The following RBFOX1 variants were observed in gnomAD, a reference collection of about 807,000 sequenced individuals.
RBFOX1 encodes the protein RNA binding protein fox-1 homolog 1.
RBFOX1 carries 8 observed loss-of-function variants against 57.7 expected under a neutral mutation model. The ratio of observed to expected loss-of-function variants is 0.14; its 90% CI spans 0.08 to 0.25. RBFOX1 has a LOEUF of 0.25. Ranked by LOEUF, RBFOX1 falls within the 10% of genes least tolerant of loss-of-function variation. The probability of loss-of-function intolerance (pLI) is 1.00; values close to 1 mark genes in which losing one functional copy is unlikely to be tolerated. For synonymous variants in RBFOX1, 326 were observed against 222.4 expected (o/e 1.47, Z -4.15); for missense variants, 611 against 548.5 (o/e 1.11, Z -1.14).
intron 1 of RBFOX1, among the ~76,000 whole-genome samples, chr16:6,065,002 A>G (rs761319520): frequency 5.3e-5 from 8 of 150,790 alleles, no homozygotes; most frequent in Admixed American, 4.0e-4. Context: ...CTGTTTTTCT[A>G]TATATTTCTT....
intron 2 of RBFOX1, among the ~76,000 whole-genome samples, chr16:5,548,174 A>AATATATATATATATATATATAT (rs71142629): frequency 5.4e-4 from 18 of 33,538 alleles, no homozygotes; most frequent in South Asian, 1.9e-3. Flanking sequence ...AAAAAAAAAA[A>AATATATATATATATATATATAT]ATATATATAT....
intron 3 of RBFOX1, among the ~76,000 whole-genome samples, chr16:6,834,130 T>C (rs1178290168): frequency 6.6e-6 from 1 of 151,984 alleles, no homozygotes; most frequent in Admixed American, 6.6e-5. Flanking sequence ...AGTGGTGTGA[T>C]CTCATCCCAC....
intron 1 of RBFOX1, among the ~76,000 whole-genome samples, chr16:6,083,332 C>G (rs1038271564): frequency 3.3e-5 from 5 of 152,088 alleles, no homozygotes; most frequent in African/African-American, 1.2e-4. Flanking sequence ...GTGGAACATG[C>G]TTTATTAGCT....
rs1426070181 is a variant in RBFOX1 at position 7,411,482 on chromosome 16, G to T, written c.28-106665G>T. The stretch of plus-strand genomic sequence containing the variant: ...TGAACACATGAAAATGGGAAGTACT[G>T]TTTAAAAATGGAATAACTCTTTTCT... On this transcript the variant is annotated intron_variant, in intron 4 of 15. Coordinates refer to ENST00000550418, the MANE Select transcript of RBFOX1 (RefSeq NM_018723.4). 2.0e-5 allele frequency among the ~76,000 whole-genome samples: 3 copies of T among 152,172 alleles called. No homozygotes were observed. In the South Asian group the frequency reaches 6.2e-4, roughly 31 times the overall value.
chr16:7,677,132 TACACACACAC>T (rs59379802), intron 14 of RBFOX1, among the ~76,000 whole-genome samples: 4 of 137,948 alleles, frequency 2.9e-5, no homozygotes, highest in East Asian at 2.1e-4. Flanking sequence ...CACATACACA[TACACACACAC>T]ACACACACAC....
chr16:6,711,031 C>T (rs573906789), intron 3 of RBFOX1, among the ~76,000 whole-genome samples: 1 of 152,316 alleles, frequency 6.6e-6, no homozygotes, highest in Admixed American at 6.5e-5. Context: ...ATGATACAAT[C>T]TGCCTTAAAG....
At chr16:6,887,341 G>A (rs1210473147) in intron 3 of RBFOX1, among the ~76,000 whole-genome samples, 1 of 152,152 alleles carries the variant, frequency 6.6e-6, no homozygotes, top group Admixed American at 6.5e-5. Context: ...ATTGAGTAAA[G>A]TAAGTTGAGA....
At chr16:5,354,901 G>A (rs1276872758) in intron 1 of RBFOX1, among the ~76,000 whole-genome samples, 3 of 152,184 alleles carry the variant, frequency 2.0e-5, no homozygotes, top group Non-Finnish European at 4.4e-5. Flanking sequence ...CCTTCTTGGA[G>A]AGGTCTTATC....
In RBFOX1 at chr16:5,789,175, C is replaced by T. The variant is rs554115804; in HGVS notation, c.319-78128C>T. On this transcript the variant is annotated intron_variant, in intron 3 of 19. Transcript: ENST00000641259. ...TCAAAATCTCTAATTAAATACATGG[C>T]AGCTGGTGAATTGAAGCATTTGTCT... is the stretch of plus-strand genomic sequence containing the variant. 8.5e-5 allele frequency among the ~76,000 whole-genome samples: 13 copies of T among 152,294 alleles called. 1 individual carries two copies. The South Asian group carries it at 2.7e-3, about 32-fold the overall frequency.
chr16:6,886,616 G>T (rs1357316740), intron 3 of RBFOX1, among the ~76,000 whole-genome samples: 3 of 151,872 alleles, frequency 2.0e-5, no homozygotes, highest in African/African-American at 7.3e-5. Flanking sequence ...TTAGCTGGGC[G>T]TGGTGGTGCT....
intron 1 of RBFOX1, among the ~76,000 whole-genome samples, chr16:5,261,436 T>G (rs1457008209): frequency 6.6e-6 from 1 of 152,210 alleles, no homozygotes; most frequent in African/African-American, 2.4e-5. Context: ...TGATAGTGTC[T>G]TTTGCCTATT....
rs146611332 is a variant in RBFOX1 at position 5,751,191 on chromosome 16, C to T, written c.319-116112C>T. Among the ~76,000 whole-genome samples the T allele has an allele frequency of 7.9e-4, 121 of 152,234 alleles. 1 individual carries two copies. The highest frequency in any genetic ancestry group is 2.6e-3 in the African/African-American group (107 of 41,538). ...TCCAGACAGTTTGAGGAGCTCTCCC[C>T]GAAGGCTGTAATTTTAGGCTCTGGT... is the stretch of plus-strand genomic sequence containing the variant. On this transcript the variant is annotated intron_variant, in intron 3 of 19. Transcript: ENST00000641259.
At chr16:7,175,030 C>G (rs947035971) in intron 4 of RBFOX1, among the ~76,000 whole-genome samples, 1 of 151,360 alleles carries the variant, frequency 6.6e-6, no homozygotes, top group African/African-American at 2.4e-5. Context: ...GGTGCATGAT[C>G]TTTATGTTTG....
At chr16:6,183,233 C>A (rs1022893786) in intron 1 of RBFOX1, among the ~76,000 whole-genome samples, 1 of 152,006 alleles carries the variant, frequency 6.6e-6, no homozygotes, top group Non-Finnish European at 1.5e-5. Flanking sequence ...GTAATCCCAG[C>A]ACTTTGGGAG....
intron 3 of RBFOX1, among the ~76,000 whole-genome samples, chr16:6,778,006 A>T (rs930710844): frequency 6.6e-6 from 1 of 152,162 alleles, no homozygotes; most frequent in Non-Finnish European, 1.5e-5. Flanking sequence ...ATAAATATAC[A>T]TTTATGCTCC....
At chr16:6,029,295 C>G (rs549217603) in intron 1 of RBFOX1, among the ~76,000 whole-genome samples, 2 of 152,326 alleles carry the variant, frequency 1.3e-5, no homozygotes, top group Admixed American at 6.5e-5. Flanking sequence ...GAACAAGGAA[C>G]CATCCACCCC....
intron 3 of RBFOX1, among the ~76,000 whole-genome samples, chr16:7,037,454 G>C (rs1407904014): frequency 2.0e-5 from 3 of 151,874 alleles, no homozygotes; most frequent in Non-Finnish European, 2.9e-5. Flanking sequence ...AGTTGCTCTG[G>C]TTCATAAACC....
intron 3 of RBFOX1, among the ~76,000 whole-genome samples, chr16:6,850,926 G>A (rs1469247624): frequency 6.6e-6 from 1 of 152,160 alleles, no homozygotes; most frequent in Non-Finnish European, 1.5e-5. Flanking sequence ...GTATGCAAAT[G>A]TTCACTGCAG....
intron 3 of RBFOX1, among the ~76,000 whole-genome samples, chr16:6,996,309 T>C (rs898147900): frequency 1.3e-5 from 2 of 152,174 alleles, no homozygotes; most frequent in African/African-American, 4.8e-5. Flanking sequence ...GAACTAGTAC[T>C]GGGATTTTTA....
Sources: gnomAD v4.1 joint callset for allele counts (sites outside exome capture counted in the v4.1 genomes callset) on GRCh38, gnomAD v4.1.1 for gene constraint, MANE v1.5 for transcripts, NCBI Gene and HGNC (gene_info 2026-07-23, HGNC 2026-07-21) for gene names.